The following CHRNA3 variants were observed in gnomAD, a reference collection of about 807,000 sequenced individuals.
The protein encoded by CHRNA3 is cholinergic receptor nicotinic alpha 3 subunit.
Under a neutral mutation model 41.9 loss-of-function variants are expected in CHRNA3, and 34 were observed. The ratio of observed to expected loss-of-function variants is 0.81; its 90% CI spans 0.62 to 1.08. The LOEUF (loss-of-function observed/expected upper bound fraction) is 1.08, where lower values mean the gene tolerates loss of function less well. Ranked by LOEUF, CHRNA3 falls within the 50% of genes least tolerant of loss-of-function variation. The probability of loss-of-function intolerance (pLI) is 0.00; values close to 1 mark genes in which losing one functional copy is unlikely to be tolerated. For missense variants in CHRNA3, 542 were observed against 638.3 expected (o/e 0.85, Z 1.63); for synonymous variants, 281 against 265.2 (o/e 1.06, Z -0.58).
Position 78,596,718 on chromosome 15 carries a change from C to A in CHRNA3, c.1404G>T (p.Trp468Cys). The change falls in exon 6 of 6, where the codon TGG becomes TGT. Residue 468 changes from tryptophan to cysteine, a missense_variant. Physicochemically the swap from Trp to Cys is radical, Grantham distance 215. Transcript: ENST00000326828. ...QNEAKEIQDD[W>C]KYVAMVIDRI... ...GATCAATCACCATGGCAACATACTT[C>A]CAATCATCTTGAATCTGCAAAACAA... 6.2e-7 allele frequency: 1 copy of A among 1,606,644 alleles called. No individual in the cohort carries two copies. The highest frequency in any genetic ancestry group is 1.7e-5 in the Admixed American group (1 of 57,596).
At chr15:78,614,272 C>CA (rs2053429538) in intron 4 of CHRNA3, among the ~76,000 whole-genome samples, 1 of 152,132 alleles carries the variant, frequency 6.6e-6, no homozygotes, top group African/African-American at 2.4e-5. Context: ...TGTAGCTTAG[C>CA]AAAAATTCTC....
At position 78,620,725 on chromosome 15, in the gene CHRNA3, A is replaced by ACAGCAG. The variant is rs60706203; in HGVS notation, c.64_69dup (p.Leu22_Leu23dup). 5.5e-4 allele frequency: 802 copies of ACAGCAG among 1,462,812 alleles called. 4 individuals are homozygous for ACAGCAG. In the South Asian group the frequency reaches 9.5e-3, roughly 17 times the overall value. 90.6% of individuals were successfully genotyped at this position (1,462,812 alleles called of 1,614,324 possible). On this transcript the variant is annotated inframe_insertion, in exon 1 of 6. Transcript: ENST00000326828. ...CCTGTGCGCGTACCTGGCAGCAGAGACAGCAGCAGCAGCAGCAGCAGCCGC... is the reference window on the plus strand; with the variant it reads ...CCTGTGCGCGTACCTGGCAGCAGAGACAGCAGCAGCAGCAGCAGCAGCAGCAGCCGC...
At chr15:78,609,511 T>C (rs886714690) in intron 4 of CHRNA3, among the ~76,000 whole-genome samples, 1 of 152,170 alleles carries the variant, frequency 6.6e-6, no homozygotes, top group African/African-American at 2.4e-5. Context: ...TAAAATACTT[T>C]ACAGACAAGC....
At chr15:78,593,085 CT>C (rs748171498), downstream of CHRNA3, 3 of 1,596,328 alleles carry the variant, frequency 1.9e-6, no homozygotes, top group Admixed American at 1.8e-5. Flanking sequence ...TATTTTTTTC[CT>C]AACAGGTTGT....
chr15:78,601,449 T>G lies in CHRNA3; in HGVS notation c.1193A>C (p.Gln398Pro). The change falls in exon 5 of 6, where the codon CAG (glutamine) becomes CCG (proline). Residue 398 changes from glutamine (Q) to proline (P), a missense_variant. By Grantham distance (76) the Gln-to-Pro change is moderately conservative (BLOSUM62 -1). Transcript: ENST00000326828. ...GTGGCAGTAACCACACATCCCGTCC[T>G]GGCAGGGGTAGCCCTCCTTGCAGCC... ...SKGCKEGYPC[Q>P]DGMCGYCHHR... 1 of 1,614,190 alleles carries G rather than the reference T, an allele frequency of 6.2e-7. No homozygotes were observed.
chr15:78,601,104 T>C (rs1214104978), intron 5 of CHRNA3, 149 bp downstream of exon 5: 2 of 694,870 alleles, frequency 2.9e-6, no homozygotes, highest in Non-Finnish European at 4.9e-6. Flanking sequence ...TGAGGTAACA[T>C]ACCCAAGGAC....
chr15:78,594,272 C>T (rs79604589), downstream of CHRNA3: 1 of 152,150 alleles, frequency 6.6e-6, no homozygotes, highest in Non-Finnish European at 1.5e-5. Context: ...GTCCTCTTGT[C>T]CACATTTCCC....
At chr15:78,595,308 C>T (rs201393450), downstream of CHRNA3, 9 of 985,110 alleles carry the variant, frequency 9.1e-6, no homozygotes, top group Middle Eastern at 5.2e-4. Context: ...TCACAGCGGG[C>T]TGCAATTCTG....
At position 78,596,055 on chromosome 15, in the gene CHRNA3, CATGGT is replaced by C. The variant is rs1402967048; in HGVS notation, c.*544_*548del. On this transcript the variant is annotated 3_prime_UTR_variant, in exon 6 of 6. Coordinates refer to ENST00000326828, the MANE Select transcript of CHRNA3 (RefSeq NM_000743.5). ...CAATGAATAACTAGGCATGATTTCT[CATGGT>C]ATAATTTAGAAGTATGCAAGAGAAG... 4 of 983,726 alleles carry C rather than the reference CATGGT, an allele frequency of 4.1e-6. No homozygotes were observed. The highest frequency in any genetic ancestry group is 4.8e-6 in the Non-Finnish European group (4 of 828,612). The allele number at this position is 983,726 out of a possible 1,614,324, so 60.9% of individuals were successfully genotyped here.
chr15:78,610,949 G>T (rs576397521), intron 4 of CHRNA3, among the ~76,000 whole-genome samples: 194 of 152,244 alleles, frequency 1.3e-3, no homozygotes, highest in Middle Eastern at 3.4e-3. Context: ...ACAACTCTAC[G>T]CAAATAAACT....
At chr15:78,613,362 C>T (rs2053409628) in intron 4 of CHRNA3, among the ~76,000 whole-genome samples, 1 of 151,924 alleles carries the variant, frequency 6.6e-6, no homozygotes, top group African/African-American at 2.4e-5. Flanking sequence ...AAATGTGGCA[C>T]ATATACACCA....
intron 4 of CHRNA3, among the ~76,000 whole-genome samples, chr15:78,615,011 T>C (rs567347779): frequency 1.4e-4 from 22 of 152,022 alleles, no homozygotes; most frequent in Middle Eastern, 3.4e-3. Flanking sequence ...TCCGGATCCA[T>C]AGGAGACTGG....
At chr15:78,611,123 G>T (rs1271994809) in intron 4 of CHRNA3, among the ~76,000 whole-genome samples, 1 of 152,194 alleles carries the variant, frequency 6.6e-6, no homozygotes, top group African/African-American at 2.4e-5. Context: ...TGGATTCACA[G>T]CTGAATTCTA....
chr15:78,593,157 C>A (rs202136309), downstream of CHRNA3: 1 of 1,613,696 alleles, frequency 6.2e-7, no homozygotes, highest in Admixed American at 1.7e-5. Context: ...CTTTTCTTTT[C>A]GTTTCAATTG....
chr15:78,608,925 C>T (rs950713045), intron 4 of CHRNA3, among the ~76,000 whole-genome samples: 50 of 151,996 alleles, frequency 3.3e-4, no homozygotes, highest in African/African-American at 1.1e-3. Context: ...TGGAGAACTA[C>T]GTGAAGAATG....
intron 4 of CHRNA3, among the ~76,000 whole-genome samples, chr15:78,609,175 C>T (rs551973828): frequency 6.6e-6 from 1 of 152,074 alleles, no homozygotes. Flanking sequence ...TCCAGGAGAA[C>T]TTCCCCAATC....
intron 4 of CHRNA3, 88 bp downstream of exon 4, chr15:78,616,936 A>C: frequency 1.2e-6 from 1 of 818,636 alleles, no homozygotes; most frequent in Non-Finnish European, 2.0e-6. Context: ...GAAAAGGCCA[A>C]GGAAGGCCAG....
rs8025782 is a variant in CHRNA3 at position 78,611,134 on chromosome 15, T to C, written c.377+5890A>G. On this transcript the variant is annotated intron_variant, in intron 4 of 5. Transcript: ENST00000326828. ...CAGATGGATTCACAGCTGAATTCTA[T>C]CAGAGGTACAAGGAGGAGCTGGTAC... 9.0e-3 allele frequency among the ~76,000 whole-genome samples: 1,370 copies of C among 152,190 alleles called. 23 individuals carry two copies. The highest frequency in any genetic ancestry group is 0.031 in the African/African-American group (1,293 of 41,520).
chr15:78,611,938 C>T (rs1458837858), intron 4 of CHRNA3, among the ~76,000 whole-genome samples: 1 of 151,786 alleles, frequency 6.6e-6, no homozygotes, highest in Non-Finnish European at 1.5e-5. Flanking sequence ...AGACAAACAG[C>T]CAAATCATGA....
Sources: allele counts gnomAD v4.1 joint callset (sites outside exome capture counted in the v4.1 genomes callset), GRCh38; gene constraint gnomAD v4.1.1; transcripts MANE v1.5; gene names NCBI Gene and HGNC (gene_info 2026-07-23, HGNC 2026-07-21).